Variants in TOX observed in about 807,000 individuals in gnomAD.
TOX encodes the protein thymocyte selection-associated high mobility group box protein TOX.
Under a neutral mutation model 53.7 loss-of-function variants are expected in TOX, and 11 were observed. That is an observed-to-expected ratio of 0.20 (90% CI 0.13 to 0.34). The LOEUF is 0.34. Ranked by LOEUF, TOX falls within the 10% of genes least tolerant of loss-of-function variation. TOX has a pLI of 1.00. For synonymous variants in TOX, 225 were observed against 245.3 expected (o/e 0.92, Z 0.77); for missense variants, 570 against 664.6 (o/e 0.86, Z 1.56).
intron 4 of TOX, 145 bp from the exon 5 acceptor site, chr8:58,838,456 T>C (rs1810585428): frequency 4.8e-6 from 3 of 624,470 alleles, no homozygotes; most frequent in Non-Finnish European, 8.1e-6. Flanking sequence ...TGTTTTGTTA[T>C]TTTTTTTTCC....
rs559980047 is a variant in TOX, at chr8:59,068,367, T to C, written c.102+50519A>G. Among the ~76,000 whole-genome samples the C allele has an allele frequency of 7.3e-4, 109 of 149,314 alleles. No homozygotes were observed. In the South Asian group the frequency reaches 0.021, roughly 28 times the overall value. On this transcript the variant is annotated intron_variant, in intron 1 of 8. Transcript: ENST00000361421. ...GAGTTTATCTAGTGGGGGAGATAGC[T>C]GTAAAGGAGACGGGGGATAAAGAAG...
intron 1 of TOX, among the ~76,000 whole-genome samples, chr8:59,088,521 C>A (rs967597947): frequency 1.3e-5 from 2 of 152,100 alleles, no homozygotes; most frequent in Non-Finnish European, 2.9e-5. Context: ...GAATTCAAGG[C>A]AAAGTTTGGA....
At chr8:58,995,837 T>G (rs903812278) in intron 1 of TOX, among the ~76,000 whole-genome samples, 4 of 152,224 alleles carry the variant, frequency 2.6e-5, no homozygotes, top group Admixed American at 2.0e-4. Flanking sequence ...AAATATCATT[T>G]CGATTACTTT....
In TOX at chr8:59,022,774, G is replaced by A. The variant is rs552894997; in HGVS notation, c.103-62766C>T. ...GATTCACAACTAGAAATAGACAGGT[G>A]AGCAATCAGGAGCTAGGAATGAAAG... On this transcript the variant is annotated intron_variant, in intron 1 of 8. Coordinates refer to ENST00000361421, the MANE Select transcript of TOX (RefSeq NM_014729.3). Among the ~76,000 whole-genome samples, 32 of 152,258 alleles carry A rather than the reference G, an allele frequency of 2.1e-4. 1 individual carries two copies. In the South Asian group the frequency reaches 6.2e-3, roughly 30 times the overall value.
At chr8:58,833,853 T>C (rs904867918) in intron 5 of TOX, among the ~76,000 whole-genome samples, 1 of 152,134 alleles carries the variant, frequency 6.6e-6, no homozygotes, top group African/African-American at 2.4e-5. Flanking sequence ...GTTTGTTCAG[T>C]GGCTTTGGTA....
intron 3 of TOX, among the ~76,000 whole-genome samples, chr8:58,855,382 T>A (rs1810897460): frequency 6.6e-6 from 1 of 152,218 alleles, no homozygotes; most frequent in Non-Finnish European, 1.5e-5. Flanking sequence ...TTCTCAAATC[T>A]ATTTTTTTTC....
intron 5 of TOX, among the ~76,000 whole-genome samples, chr8:58,829,283 A>G (rs903064731): frequency 6.6e-6 from 1 of 152,186 alleles, no homozygotes; most frequent in Non-Finnish European, 1.5e-5. Flanking sequence ...CACATGTTTC[A>G]GGCTGCATAG....
At chr8:58,902,481 AC>A (rs1289851446) in intron 3 of TOX, among the ~76,000 whole-genome samples, 2 of 152,118 alleles carry the variant, frequency 1.3e-5, no homozygotes, top group Admixed American at 6.5e-5. Context: ...CAAGGGAAGC[AC>A]CTCATTTGAG....
chr8:59,078,097 A>G (rs1490296497), intron 1 of TOX, among the ~76,000 whole-genome samples: 1 of 152,210 alleles, frequency 6.6e-6, no homozygotes, highest in Non-Finnish European at 1.5e-5. Context: ...AAAAGTCATA[A>G]AGCTTAATTC....
At chr8:59,106,279 T>C (rs1416895949) in intron 1 of TOX, among the ~76,000 whole-genome samples, 1 of 149,856 alleles carries the variant, frequency 6.7e-6, no homozygotes, top group Non-Finnish European at 1.5e-5. Flanking sequence ...CTGGCTTACA[T>C]TTTTTCTTTC....
chr8:58,913,194 T>C (rs1485472329), intron 3 of TOX, among the ~76,000 whole-genome samples: 1 of 152,214 alleles, frequency 6.6e-6, no homozygotes, highest in African/African-American at 2.4e-5. Context: ...CTCATGCCTG[T>C]AGTCCCAGCT....
chr8:59,096,935 A>AC (rs1804721913), intron 1 of TOX, among the ~76,000 whole-genome samples: 1 of 152,214 alleles, frequency 6.6e-6, no homozygotes, highest in Non-Finnish European at 1.5e-5. Flanking sequence ...CTAGGGTGTC[A>AC]GTTTATTAAT....
intron 2 of TOX, among the ~76,000 whole-genome samples, chr8:58,959,305 A>T (rs1024021491): frequency 6.6e-6 from 1 of 152,226 alleles, no homozygotes; most frequent in East Asian, 1.9e-4. Flanking sequence ...TCAAACATTT[A>T]CTTTTATAAG....
intron 1 of TOX, among the ~76,000 whole-genome samples, chr8:59,032,111 G>T (rs1043498717): frequency 2.0e-5 from 3 of 152,188 alleles, no homozygotes; most frequent in Non-Finnish European, 4.4e-5. Flanking sequence ...GGTTTGGCTA[G>T]AGCAGGAATA....
chr8:59,008,060 C>T (rs759525214), intron 1 of TOX, among the ~76,000 whole-genome samples: 2 of 152,200 alleles, frequency 1.3e-5, no homozygotes, highest in African/African-American at 4.8e-5. Flanking sequence ...CTATGCTACA[C>T]ATTCTTTTCA....
chr8:58,826,475 A>C (rs1810368856), intron 6 of TOX, among the ~76,000 whole-genome samples: 1 of 152,210 alleles, frequency 6.6e-6, no homozygotes, highest in Non-Finnish European at 1.5e-5. Flanking sequence ...TAGAGTTGGC[A>C]TGTCCTCAGT....
At chr8:58,850,808 A>C (rs1394194617) in intron 4 of TOX, among the ~76,000 whole-genome samples, 1 of 152,182 alleles carries the variant, frequency 6.6e-6, no homozygotes, top group Non-Finnish European at 1.5e-5. Flanking sequence ...AGCTACTAGA[A>C]AGTTAACCAT....
intron 1 of TOX, among the ~76,000 whole-genome samples, chr8:59,022,381 A>T (rs1814152684): frequency 6.6e-6 from 1 of 152,184 alleles, no homozygotes; most frequent in South Asian, 2.1e-4. Flanking sequence ...AGCTTTATGT[A>T]CACTGTCATT....
chr8:59,047,683 T>C (rs1803715010), intron 1 of TOX, among the ~76,000 whole-genome samples: 1 of 150,990 alleles, frequency 6.6e-6, no homozygotes, highest in Non-Finnish European at 1.5e-5. Context: ...AAGCCATCCT[T>C]CACCCTCAGC....
Sources: allele counts gnomAD v4.1 joint callset (sites outside exome capture counted in the v4.1 genomes callset), GRCh38; gene constraint gnomAD v4.1.1; transcripts MANE v1.5; gene names NCBI Gene and HGNC (gene_info 2026-07-23, HGNC 2026-07-21).